The following INVS variants were observed in gnomAD, a reference collection of about 807,000 sequenced individuals.
INVS encodes inversin.
A neutral mutation model predicts 108.8 loss-of-function variants in INVS; 86 were observed. The ratio of observed to expected loss-of-function variants is 0.79; its 90% confidence interval spans 0.66 to 0.95. The LOEUF (loss-of-function observed/expected upper bound fraction) is 0.95, where lower values mean the gene tolerates loss of function less well. INVS is among the 40% of genes least tolerant of loss of function. The probability of loss-of-function intolerance (pLI) is 0.00; values close to 1 mark genes in which losing one functional copy is unlikely to be tolerated. For synonymous variants in INVS, 455 were observed against 473.5 expected, an observed-to-expected ratio of 0.96 and a Z score of 0.51; for missense variants, 1,169 against 1,297.4, an observed-to-expected ratio of 0.90 and a Z score of 1.52.
intron 2 of INVS, among the ~76,000 whole-genome samples, chr9:100,108,493 T>A (rs945968799): frequency 6.6e-6 from 1 of 152,118 alleles, no homozygotes; most frequent in Non-Finnish European, 1.5e-5. Flanking sequence ...TTCAATGTAA[T>A]TTTTTTTCTA....
chr9:100,281,804 C>G (rs892137976), intron 12 of INVS, among the ~76,000 whole-genome samples: 7 of 151,308 alleles, frequency 4.6e-5, no homozygotes, highest in Non-Finnish European at 7.4e-5. Flanking sequence ...ATGTCTTGAT[C>G]ACTTTAAAAG....
Position 100,300,793 on chromosome 9 carries a change from T to A in INVS, c.*119T>A, listed in dbSNP as rs1194304777. 1.4e-6 allele frequency: 1 copy of A among 723,226 alleles called. No homozygotes were observed. Among genetic ancestry groups the A allele is most frequent in the Non-Finnish European group, 2.5e-6 (1 of 407,178 alleles). The allele number at this position is 723,226 out of a possible 1,614,324, so 44.8% of individuals were successfully genotyped here. On this transcript the variant is annotated 3_prime_UTR_variant, in exon 17 of 17. Coordinates refer to ENST00000262457, the MANE Select transcript of INVS (RefSeq NM_014425.5). The stretch of plus-strand genomic sequence containing the variant: ...TTTAATATCCGTACCTGAAGGCTGA[T>A]TCACCTAAAAATGTGTTAACTGAAA...
intron 2 of INVS, among the ~76,000 whole-genome samples, chr9:100,109,914 G>A (rs188999308): frequency 4.5e-4 from 68 of 152,278 alleles, no homozygotes; most frequent in Non-Finnish European, 4.1e-4. Flanking sequence ...TGATCCGCCC[G>A]CCTCGGCCTC....
At chr9:100,245,567 A>C (rs1159832319) in intron 7 of INVS, among the ~76,000 whole-genome samples, 1 of 152,194 alleles carries the variant, frequency 6.6e-6, no homozygotes, top group South Asian at 2.1e-4. Flanking sequence ...GGCGTGAGCC[A>C]CTGCGCCCGG....
chr9:100,110,637 T>C (rs1028529081), intron 2 of INVS, among the ~76,000 whole-genome samples: 3 of 152,188 alleles, frequency 2.0e-5, no homozygotes, highest in African/African-American at 7.2e-5. Flanking sequence ...CAAAAATATA[T>C]GTATATTTTT....
chr9:100,281,195 A>G (rs551433321), intron 12 of INVS, among the ~76,000 whole-genome samples: 38 of 152,330 alleles, frequency 2.5e-4, no homozygotes, highest in African/African-American at 8.7e-4. Flanking sequence ...ACCAGGAGAT[A>G]AAGCAGCTGC....
chr9:100,145,033 A>C (rs1828556322), intron 3 of INVS, among the ~76,000 whole-genome samples: 1 of 152,048 alleles, frequency 6.6e-6, no homozygotes, highest in Admixed American at 6.5e-5. Context: ...TCTATTTGGA[A>C]CCACTGTTGA....
chr9:100,103,960 T>C (rs1418176664), intron 1 of INVS, among the ~76,000 whole-genome samples: 1 of 152,170 alleles, frequency 6.6e-6, no homozygotes. Context: ...TTATTTGCAA[T>C]ATCAATTCTA....
At chr9:100,186,175 A>C (rs938845752) in intron 3 of INVS, among the ~76,000 whole-genome samples, 4 of 151,490 alleles carry the variant, frequency 2.6e-5, no homozygotes, top group African/African-American at 9.7e-5. Flanking sequence ...TTTGAGATGG[A>C]GTTTCACTCC....
At chr9:100,129,577 C>A in intron 3 of INVS, 1 of 520,948 alleles carries the variant, frequency 1.9e-6, no homozygotes. Context: ...ACTTTCATAA[C>A]TAGGCATCAA....
intron 3 of INVS, among the ~76,000 whole-genome samples, chr9:100,192,214 C>T (rs1367192346): frequency 1.3e-5 from 2 of 150,450 alleles, no homozygotes; most frequent in African/African-American, 4.9e-5. Flanking sequence ...GGCATGCTAA[C>T]AATGCTTTCA....
chr9:100,152,710 G>A (rs985662656), intron 3 of INVS, among the ~76,000 whole-genome samples: 25 of 152,226 alleles, frequency 1.6e-4, no homozygotes, highest in African/African-American at 6.0e-4. Context: ...GTCTAAATAT[G>A]TGGTCTTTCA....
intron 3 of INVS, among the ~76,000 whole-genome samples, chr9:100,183,981 G>A (rs747200322): frequency 6.6e-6 from 1 of 151,992 alleles, no homozygotes; most frequent in Admixed American, 6.6e-5. Context: ...AAAGTATGGG[G>A]TGGGGATAAT....
At chr9:100,117,378 G>A in intron 2 of INVS, 1 of 762,946 alleles carries the variant, frequency 1.3e-6, no homozygotes, top group Non-Finnish European at 2.4e-6. Flanking sequence ...TTAATGGGCA[G>A]GGAGAAGAGA....
chr9:100,213,900 C>T (rs1043976955), intron 3 of INVS, among the ~76,000 whole-genome samples: 40 of 152,058 alleles, frequency 2.6e-4, no homozygotes, highest in African/African-American at 8.5e-4. Flanking sequence ...AAAGAGTGGC[C>T]AAGACTTTGC....
intron 3 of INVS, among the ~76,000 whole-genome samples, chr9:100,187,480 A>G (rs1030323600): frequency 2.0e-5 from 3 of 149,924 alleles, no homozygotes; most frequent in Non-Finnish European, 4.4e-5. Flanking sequence ...CTTCCAGTCA[A>G]TGAGCGTGGG....
At chr9:100,242,809 TTTTA>T (rs565386391) in intron 7 of INVS, 130 bp downstream of exon 7, 273 of 614,652 alleles carry the variant, frequency 4.4e-4, no homozygotes, top group Middle Eastern at 1.8e-3. Context: ...TTCACTCTGT[TTTTA>T]TTTATTTATT....
intron 11 of INVS, among the ~76,000 whole-genome samples, chr9:100,270,923 CA>C (rs939379169): frequency 3.3e-5 from 4 of 122,494 alleles, no homozygotes; most frequent in African/African-American, 6.2e-5. Context: ...GACCCTATCT[CA>C]AAAAAAAAGA....
chr9:100,244,298 C>A (rs1212558667), intron 7 of INVS, among the ~76,000 whole-genome samples: 1 of 152,072 alleles, frequency 6.6e-6, no homozygotes, highest in South Asian at 2.1e-4. Context: ...AGGAAATTAA[C>A]CTGACCGAGT....
Sources: gnomAD v4.1 joint callset for allele counts (sites outside exome capture counted in the v4.1 genomes callset) on GRCh38, gnomAD v4.1.1 for gene constraint, MANE v1.5 for transcripts, NCBI Gene and HGNC (gene_info 2026-07-23, HGNC 2026-07-21) for gene names.